Variants in ATG10 observed in about 807,000 individuals in gnomAD.
ATG10 encodes the protein autophagy related 10.
A neutral mutation model predicts 32.1 loss-of-function variants in ATG10; 30 were observed. The ratio of observed to expected loss-of-function variants is 0.94; its 90% confidence interval spans 0.70 to 1.27. ATG10 has a LOEUF of 1.27. ATG10 is among the 50% of genes most tolerant of loss of function. The probability of loss-of-function intolerance (pLI) is 0.00; values close to 1 mark genes in which losing one functional copy is unlikely to be tolerated. For synonymous variants in ATG10, 87 were observed against 91.5 expected (o/e 0.95, Z 0.28); for missense variants, 233 against 262.3 (o/e 0.89, Z 0.77).
chr5:82,099,738 T>C (rs1021339332), intron 3 of ATG10, among the ~76,000 whole-genome samples: 1 of 152,164 alleles, frequency 6.6e-6, no homozygotes, highest in Non-Finnish European at 1.5e-5. Context: ...TACATGTGCA[T>C]ATTTAAGGTC....
At chr5:82,246,418 G>T (rs1054811224) in intron 5 of ATG10, among the ~76,000 whole-genome samples, 1 of 151,660 alleles carries the variant, frequency 6.6e-6, no homozygotes, top group African/African-American at 2.4e-5. Flanking sequence ...GCCAGGTACG[G>T]GGGCTTATGC....
At chr5:82,052,818 A>G (rs1343880429) in intron 2 of ATG10, among the ~76,000 whole-genome samples, 2 of 152,180 alleles carry the variant, frequency 1.3e-5, no homozygotes, top group East Asian at 1.9e-4. Flanking sequence ...GAACTCATTC[A>G]TTATTTTTGT....
intron 2 of ATG10, among the ~76,000 whole-genome samples, chr5:82,012,517 G>A (rs904086002): frequency 1.3e-5 from 2 of 152,044 alleles, no homozygotes; most frequent in African/African-American, 4.8e-5. Context: ...AGGCAACCCT[G>A]ACCTCCCAAG....
intron 1 of ATG10, among the ~76,000 whole-genome samples, chr5:81,981,457 T>G (rs923606198): frequency 6.6e-6 from 1 of 152,034 alleles, no homozygotes; most frequent in South Asian, 2.1e-4. Flanking sequence ...CAAGCCAAAT[T>G]GCCATAAAAG....
intron 5 of ATG10, among the ~76,000 whole-genome samples, chr5:82,220,734 GTAC>G (rs1745888882): frequency 6.8e-6 from 1 of 147,772 alleles, no homozygotes; most frequent in Admixed American, 6.8e-5. Flanking sequence ...GGTCCCTGAT[GTAC>G]TACTCCATCT....
At chr5:82,124,366 G>C (rs1478379318) in intron 3 of ATG10, among the ~76,000 whole-genome samples, 1 of 150,968 alleles carries the variant, frequency 6.6e-6, no homozygotes, top group Non-Finnish European at 1.5e-5. Flanking sequence ...TTGTTAAATA[G>C]GTATACATGT....
intron 3 of ATG10, among the ~76,000 whole-genome samples, chr5:82,151,626 CAAAA>C (rs530575677): frequency 1.0e-5 from 1 of 98,464 alleles, no homozygotes. Context: ...ATCCCTGGAA[CAAAA>C]AAAAAAAAAA....
intron 1 of ATG10, among the ~76,000 whole-genome samples, chr5:81,981,960 T>G (rs938640745): frequency 1.5e-4 from 23 of 152,322 alleles, no homozygotes; most frequent in African/African-American, 5.1e-4. Context: ...AGAATAAGCT[T>G]CTTCTATCCT....
intron 2 of ATG10, among the ~76,000 whole-genome samples, chr5:82,021,884 G>A (rs943374349): frequency 6.6e-6 from 1 of 152,092 alleles, no homozygotes; most frequent in Non-Finnish European, 1.5e-5. Flanking sequence ...TTAGCCAGGC[G>A]TGGTGGCGGG....
intron 3 of ATG10, among the ~76,000 whole-genome samples, chr5:82,151,935 T>A (rs1018638837): frequency 2.0e-4 from 30 of 152,178 alleles, no homozygotes; most frequent in Non-Finnish European, 1.6e-4. Context: ...GATCTGTAGA[T>A]CTTTCTCATC....
Position 82,256,041 on chromosome 5 carries a change from C to T in ATG10, c.*1978C>T, listed in dbSNP as rs1356398037. The stretch of plus-strand genomic sequence containing the variant: ...TTTCAACTTCTGTGAGGGATTTTCC[C>T]CCCAATCTCCCTAATGTAAACACAG... On this transcript the variant is annotated 3_prime_UTR_variant, in exon 8 of 8. Coordinates refer to ENST00000282185, the MANE Select transcript of ATG10 (RefSeq NM_031482.5). 6.6e-6 allele frequency: 1 copy of T among 152,150 alleles called. No individual in the cohort carries two copies. The highest frequency in any genetic ancestry group is 2.4e-5 in the African/African-American group (1 of 41,440). 9.4% of individuals were successfully genotyped at this position (152,150 alleles called of 1,614,324 possible). A position where few individuals can be genotyped will look rare whatever the true frequency, so the allele number is the denominator to read the frequency against.
At chr5:81,978,704 A>G (rs1760941089) in intron 1 of ATG10, among the ~76,000 whole-genome samples, 1 of 152,114 alleles carries the variant, frequency 6.6e-6, no homozygotes, top group Non-Finnish European at 1.5e-5. Context: ...GCTGTCTCCC[A>G]GGCTAAAGGG....
intron 5 of ATG10, among the ~76,000 whole-genome samples, chr5:82,240,285 G>A (rs967451799): frequency 2.0e-4 from 30 of 152,132 alleles, no homozygotes; most frequent in African/African-American, 7.0e-4. Flanking sequence ...TCCATAAAGA[G>A]AATGGATAAA....
chr5:82,199,385 T>C (rs1343573912), intron 5 of ATG10, among the ~76,000 whole-genome samples: 1 of 152,222 alleles, frequency 6.6e-6, no homozygotes, highest in Non-Finnish European at 1.5e-5. Context: ...TCAAATTTTC[T>C]TTTTAATAAA....
intron 5 of ATG10, among the ~76,000 whole-genome samples, chr5:82,194,231 G>T (rs1744770458): frequency 6.6e-6 from 1 of 152,104 alleles, no homozygotes; most frequent in Admixed American, 6.6e-5. Flanking sequence ...AGTAAAATAG[G>T]TGGGTCTTTG....
At chr5:82,249,058 C>G (rs959733732) in intron 5 of ATG10, among the ~76,000 whole-genome samples, 1 of 151,996 alleles carries the variant, frequency 6.6e-6, no homozygotes, top group Non-Finnish European at 1.5e-5. Flanking sequence ...AATGACATTG[C>G]CATGCATTTT....
intron 5 of ATG10, among the ~76,000 whole-genome samples, chr5:82,207,415 G>A (rs1745340491): frequency 6.6e-6 from 1 of 152,030 alleles, no homozygotes; most frequent in South Asian, 2.1e-4. Flanking sequence ...TGATTAATGA[G>A]GTTCATCTAC....
intron 5 of ATG10, among the ~76,000 whole-genome samples, chr5:82,239,360 G>A (rs527970039): frequency 6.6e-6 from 1 of 152,270 alleles, no homozygotes; most frequent in African/African-American, 2.4e-5. Flanking sequence ...CTAGATGAAA[G>A]GCACTAACCT....
intron 1 of ATG10, among the ~76,000 whole-genome samples, chr5:81,982,818 G>T (rs926836328): frequency 1.3e-5 from 2 of 152,190 alleles, no homozygotes; most frequent in East Asian, 1.9e-4. Flanking sequence ...ATCTTGCACC[G>T]CCCTTAATCC....
Sources: allele counts gnomAD v4.1 joint callset (sites outside exome capture counted in the v4.1 genomes callset), GRCh38; gene constraint gnomAD v4.1.1; transcripts MANE v1.5; gene names NCBI Gene and HGNC (gene_info 2026-07-23, HGNC 2026-07-21).